Variants in NRG1 observed in about 807,000 individuals in gnomAD.
NRG1 encodes the protein pro-neuregulin-1, membrane-bound isoform.
Under a neutral mutation model 63.8 loss-of-function variants are expected in NRG1, and 18 were observed. The ratio of observed to expected loss-of-function variants is 0.28; its 90% CI spans 0.19 to 0.42. NRG1 has a LOEUF of 0.42. NRG1 is among the 10% of genes least tolerant of loss of function. The probability of loss-of-function intolerance (pLI) is 1.00; values close to 1 mark genes in which losing one functional copy is unlikely to be tolerated. For missense variants in NRG1, 762 were observed against 814.7 expected (o/e 0.94, Z 0.79); for synonymous variants, 302 against 301.3 (o/e 1.00, Z -0.02).
rs374591390 is a variant in NRG1, at chr8:31,719,315, T to G, written c.37+79884T>G. Among the ~76,000 whole-genome samples the G allele has an allele frequency of 4.3e-4, 65 of 152,302 alleles. 1 individual carries two copies. The highest frequency in any genetic ancestry group is 1.3e-3 in the African/African-American group (54 of 41,582). ...TCTTCAGTGTCTTAAACAAAATTGT[T>G]TACATTCTTTAATTAAATGGTCATT... is the stretch of plus-strand genomic sequence containing the variant. On this transcript the variant is annotated intron_variant, in intron 1 of 10. Transcript: ENST00000519301.
At chr8:31,965,647 T>C (rs1806196598) in intron 1 of NRG1, among the ~76,000 whole-genome samples, 2 of 152,202 alleles carry the variant, frequency 1.3e-5, no homozygotes, top group South Asian at 4.1e-4. Context: ...TCTATACGGG[T>C]TGAACCAATC....
At chr8:31,829,686 C>A (rs933520465) in intron 1 of NRG1, among the ~76,000 whole-genome samples, 2 of 152,192 alleles carry the variant, frequency 1.3e-5, no homozygotes, top group African/African-American at 4.8e-5. Flanking sequence ...CATTGCTGAG[C>A]AGAATGGGAT....
intron 1 of NRG1, among the ~76,000 whole-genome samples, chr8:31,952,567 T>A (rs762039756): frequency 1.3e-5 from 2 of 152,266 alleles, no homozygotes; most frequent in Non-Finnish European, 2.9e-5. Context: ...TTTTTCTCAC[T>A]TGGATTTTGG....
chr8:32,773,261 C>T (rs569796279), intron 7 of NRG1, among the ~76,000 whole-genome samples: 3 of 152,116 alleles, frequency 2.0e-5, no homozygotes, highest in Non-Finnish European at 4.4e-5. Flanking sequence ...ACTTTTCTTT[C>T]ACAACATGAA....
At chr8:31,920,252 T>C (rs1466375213) in intron 1 of NRG1, among the ~76,000 whole-genome samples, 1 of 152,158 alleles carries the variant, frequency 6.6e-6, no homozygotes, top group Non-Finnish European at 1.5e-5. Context: ...GCACTGTACA[T>C]AAATATTTTG....
chr8:31,748,429 C>A (rs1816114142), intron 1 of NRG1, among the ~76,000 whole-genome samples: 1 of 151,860 alleles, frequency 6.6e-6, no homozygotes, highest in Admixed American at 6.6e-5. Flanking sequence ...ATGTTTGAAC[C>A]AATCACTTGT....
chr8:32,048,483 A>G (rs1335965854), intron 1 of NRG1, among the ~76,000 whole-genome samples: 3 of 138,200 alleles, frequency 2.2e-5, no homozygotes, highest in African/African-American at 8.0e-5. Context: ...ATATATATAT[A>G]TAGTGGTGGG....
chr8:32,091,632 C>T (rs1829174105), intron 1 of NRG1, among the ~76,000 whole-genome samples: 2 of 152,094 alleles, frequency 1.3e-5, no homozygotes, highest in African/African-American at 4.8e-5. Flanking sequence ...GTGTCATGGG[C>T]TCTACAAGGG....
chr8:31,928,285 C>G (rs1274048301), intron 1 of NRG1, among the ~76,000 whole-genome samples: 1 of 148,004 alleles, frequency 6.8e-6, no homozygotes, highest in Admixed American at 6.8e-5. Flanking sequence ...TGACATACCA[C>G]CTTACCCCCC....
At chr8:32,555,526 C>A (rs1834958745) in intron 1 of NRG1, among the ~76,000 whole-genome samples, 1 of 152,200 alleles carries the variant, frequency 6.6e-6, no homozygotes. Context: ...GGCTGGAGTG[C>A]AGTGGTGCCA....
chr8:32,066,690 G>T lies in NRG1; in HGVS notation c.37+427259G>T, dbSNP rs145566857. ...ATGAGGACTCTTTTTTGGTTCCATA[G>T]GAACTTTAAAGTAGTTTTTTCCAAT... is the stretch of plus-strand genomic sequence containing the variant. On this transcript the variant is annotated intron_variant, in intron 1 of 10. Transcript: ENST00000519301. 8.6e-3 allele frequency among the ~76,000 whole-genome samples: 1,316 copies of T among 152,154 alleles called. 6 individuals carry two copies. The highest frequency in any genetic ancestry group is 0.016 in the African/African-American group (659 of 41,490).
At chr8:32,309,291 G>A (rs975019516) in intron 1 of NRG1, among the ~76,000 whole-genome samples, 14 of 152,044 alleles carry the variant, frequency 9.2e-5, no homozygotes, top group African/African-American at 2.2e-4. Context: ...ACAAAGTAAC[G>A]CTTATGTGCC....
At chr8:32,400,876 G>T (rs189621323) in intron 1 of NRG1, among the ~76,000 whole-genome samples, 41 of 152,288 alleles carry the variant, frequency 2.7e-4, no homozygotes, top group African/African-American at 9.4e-4. Context: ...CAATAGCAAA[G>T]ATATGGAATC....
At chr8:31,872,576 A>T (rs1246736183) in intron 1 of NRG1, among the ~76,000 whole-genome samples, 1 of 152,216 alleles carries the variant, frequency 6.6e-6, no homozygotes, top group East Asian at 1.9e-4. Context: ...AAACAGACAT[A>T]TAGAAAACCA....
At chr8:31,854,862 G>A (rs555704239) in intron 1 of NRG1, among the ~76,000 whole-genome samples, 3 of 152,088 alleles carry the variant, frequency 2.0e-5, no homozygotes, top group East Asian at 1.9e-4. Context: ...CCTTCGTTTC[G>A]TTATGTACCC....
chr8:32,040,178 C>T (rs1394646857), intron 1 of NRG1, among the ~76,000 whole-genome samples: 1 of 152,170 alleles, frequency 6.6e-6, no homozygotes, highest in Non-Finnish European at 1.5e-5. Flanking sequence ...TATCATCATT[C>T]TCATAATACC....
intron 1 of NRG1, among the ~76,000 whole-genome samples, chr8:31,809,827 GCTCT>G (rs1250981684): frequency 1.1e-4 from 15 of 133,852 alleles, no homozygotes; most frequent in Non-Finnish European, 2.3e-4. Flanking sequence ...TGACCCGAGT[GCTCT>G]CTTTTAGAAT....
At chr8:32,092,866 C>T (rs897504539) in intron 1 of NRG1, among the ~76,000 whole-genome samples, 9 of 152,048 alleles carry the variant, frequency 5.9e-5, no homozygotes, top group Non-Finnish European at 8.8e-5. Context: ...GATCTTTAGG[C>T]GAAGTGACAG....
In NRG1 at chr8:32,087,134, T is replaced by C. The variant is rs572497820; in HGVS notation, c.37+447703T>C. Among the ~76,000 whole-genome samples the C allele has an allele frequency of 3.0e-4, 46 of 152,260 alleles. 1 individual carries two copies. In the South Asian group the frequency reaches 6.4e-3, roughly 21 times the overall value. On this transcript the variant is annotated intron_variant, in intron 1 of 10. Coordinates refer to the NRG1 transcript ENST00000519301. ...ACCTCATTGATAATGGTTTGGATGT[T>C]TGTCCTCTCCAAATCGCATGTAGAA...
Sources: allele counts gnomAD v4.1 joint callset (sites outside exome capture counted in the v4.1 genomes callset), GRCh38; gene constraint gnomAD v4.1.1; transcripts MANE v1.5; gene names NCBI Gene and HGNC (gene_info 2026-07-23, HGNC 2026-07-21).